Variants in FOXN3 observed in about 807,000 individuals in gnomAD.
The protein encoded by FOXN3 is forkhead box N3.
A neutral mutation model predicts 38.4 loss-of-function variants in FOXN3; 7 were observed. That is an observed-to-expected ratio of 0.18 (90% CI 0.10 to 0.34). FOXN3 has a LOEUF of 0.34. Ranked by LOEUF, FOXN3 falls within the 10% of genes least tolerant of loss-of-function variation. FOXN3 has a pLI of 1.00. For missense variants in FOXN3, 456 were observed against 613.4 expected, an observed-to-expected ratio of 0.74 and a Z score of 2.71; for synonymous variants, 230 against 242.2, an observed-to-expected ratio of 0.95 and a Z score of 0.47.
At chr14:89,608,168 TG>T (rs111950335) in intron 1 of FOXN3, among the ~76,000 whole-genome samples, 151,901 of 151,908 alleles carry the variant, frequency 1, 75,947 homozygotes, top group Middle Eastern at 1. Flanking sequence ...TTAGTAGAGA[TG>T]GGGGTTTCAC....
chr14:89,503,187 T>A (rs556147361), intron 1 of FOXN3, among the ~76,000 whole-genome samples: 1 of 152,288 alleles, frequency 6.6e-6, no homozygotes, highest in Non-Finnish European at 1.5e-5. Flanking sequence ...AAAGACTCCA[T>A]GACCCATTTT....
In FOXN3 at chr14:89,161,868, C is replaced by G. The variant is rs930938250; in HGVS notation, c.*546G>C. The G allele has an allele frequency of 3.9e-5, 6 of 152,242 alleles. No homozygotes were observed. The highest frequency in any genetic ancestry group is 3.9e-4 in the Admixed American group (6 of 15,272). 9.4% of individuals were successfully genotyped at this position (152,242 alleles called of 1,614,324 possible). On this transcript the variant is annotated 3_prime_UTR_variant, in exon 6 of 6. Transcript: ENST00000557258. ...GTGGCTTTCCTGGCACCATCAGATGCCTGGTGCCACAAGCTTGGGTCTGCT... is the reference window on the plus strand; with the variant it reads ...GTGGCTTTCCTGGCACCATCAGATGGCTGGTGCCACAAGCTTGGGTCTGCT...
intron 3 of FOXN3, among the ~76,000 whole-genome samples, chr14:89,288,670 T>TTC (rs1202531466): frequency 3.3e-4 from 18 of 54,148 alleles, no homozygotes; most frequent in African/African-American, 9.2e-4. Flanking sequence ...GGCACTCTCT[T>TTC]TCTCTCTCTC....
At chr14:89,202,224 A>T (rs1312956122) in intron 4 of FOXN3, among the ~76,000 whole-genome samples, 3 of 152,144 alleles carry the variant, frequency 2.0e-5, no homozygotes, top group African/African-American at 7.2e-5. Flanking sequence ...TCTTATACTA[A>T]CTCAAAATAA....
At chr14:89,391,615 A>G (rs1199345219) in intron 2 of FOXN3, among the ~76,000 whole-genome samples, 2 of 152,238 alleles carry the variant, frequency 1.3e-5, no homozygotes, top group Non-Finnish European at 2.9e-5. Context: ...TTCAAGCCTC[A>G]GCACCAAGTG....
At chr14:89,253,466 G>T (rs758405849) in intron 4 of FOXN3, among the ~76,000 whole-genome samples, 1 of 151,962 alleles carries the variant, frequency 6.6e-6, no homozygotes, top group South Asian at 2.1e-4. Context: ...GAGATCAAAC[G>T]GCTCTTTCCC....
At chr14:89,453,400 C>CA (rs558758113) in intron 1 of FOXN3, among the ~76,000 whole-genome samples, 3,591 of 146,150 alleles carry the variant, frequency 0.025, 51 homozygotes, top group African/African-American at 0.044. Flanking sequence ...ACTAAAAATA[C>CA]AAAAAAAAAA....
intron 4 of FOXN3, among the ~76,000 whole-genome samples, chr14:89,203,953 A>G (rs773136836): frequency 6.6e-5 from 10 of 152,034 alleles, no homozygotes; most frequent in Non-Finnish European, 1.5e-4. Context: ...CAAGGCCACA[A>G]GCATAATGTA....
At chr14:89,231,926 A>C (rs1884823795) in intron 4 of FOXN3, among the ~76,000 whole-genome samples, 1 of 152,166 alleles carries the variant, frequency 6.6e-6, no homozygotes, top group African/African-American at 2.4e-5. Context: ...CACTGAGATG[A>C]CATTTGCAAG....
intron 1 of FOXN3, among the ~76,000 whole-genome samples, chr14:89,538,305 G>A (rs1894728611): frequency 6.6e-6 from 1 of 152,186 alleles, no homozygotes; most frequent in Admixed American, 6.5e-5. Context: ...AACGTACCCA[G>A]AGCGCACAGA....
At chr14:89,560,997 T>C (rs1477970610) in intron 1 of FOXN3, among the ~76,000 whole-genome samples, 4 of 152,188 alleles carry the variant, frequency 2.6e-5, no homozygotes, top group Admixed American at 6.5e-5. Context: ...GTAAGGGAGT[T>C]TGGATGCCTT....
chr14:89,367,314 T>C (rs777105904), intron 2 of FOXN3, among the ~76,000 whole-genome samples: 4 of 152,206 alleles, frequency 2.6e-5, no homozygotes, highest in Non-Finnish European at 4.4e-5. Context: ...ACTCCAACCA[T>C]GAAGCAGATC....
chr14:89,505,509 G>A (rs1412372937), intron 1 of FOXN3, among the ~76,000 whole-genome samples: 4 of 152,166 alleles, frequency 2.6e-5, no homozygotes, highest in African/African-American at 7.2e-5. Flanking sequence ...GCTCCTAACC[G>A]CGAGTGATCC....
chr14:89,452,392 C>T lies in FOXN3; in HGVS notation c.-14-39902G>A, dbSNP rs1051401438. On this transcript the variant is annotated intron_variant, in intron 1 of 6. Transcript: ENST00000345097. ...CAAGCCCATCCCCATCTCCCCAGCA[C>T]GCTGGGGAGGGCCGGAATGAGCACA... 1.2e-4 allele frequency among the ~76,000 whole-genome samples: 18 copies of T among 152,298 alleles called. No homozygotes were observed. In the East Asian group the frequency reaches 2.5e-3, roughly 21 times the overall value.
intron 1 of FOXN3, among the ~76,000 whole-genome samples, chr14:89,600,521 T>G (rs1250000987): frequency 6.6e-6 from 1 of 152,212 alleles, no homozygotes; most frequent in Admixed American, 6.5e-5. Context: ...AAAATATAAA[T>G]TTTCTCCAAA....
intron 3 of FOXN3, among the ~76,000 whole-genome samples, chr14:89,304,941 T>A (rs969569408): frequency 7.2e-6 from 1 of 139,328 alleles, no homozygotes; most frequent in African/African-American, 2.8e-5. Flanking sequence ...CAGTGTAGTT[T>A]CTTAAAAAAA....
intron 2 of FOXN3, among the ~76,000 whole-genome samples, chr14:89,365,851 A>G (rs2140050024): frequency 6.6e-6 from 1 of 152,344 alleles, no homozygotes; most frequent in African/African-American, 2.4e-5. Flanking sequence ...TCTCACGTAC[A>G]CACAAAGTAC....
intron 1 of FOXN3, among the ~76,000 whole-genome samples, chr14:89,495,681 G>T (rs1235524355): frequency 1.3e-5 from 2 of 152,146 alleles, no homozygotes; most frequent in Non-Finnish European, 2.9e-5. Context: ...TTTGCTTCAA[G>T]TTCAAATCTC....
At chr14:89,340,888 T>C in intron 3 of FOXN3, among the ~76,000 whole-genome samples, 1 of 152,104 alleles carries the variant, frequency 6.6e-6, no homozygotes, top group Non-Finnish European at 1.5e-5. Context: ...ACTGAATTAG[T>C]CCCATCACGG....
Sources: allele counts gnomAD v4.1 joint callset (sites outside exome capture counted in the v4.1 genomes callset), GRCh38; gene constraint gnomAD v4.1.1; transcripts MANE v1.5; gene names NCBI Gene and HGNC (gene_info 2026-07-23, HGNC 2026-07-21).